Variants in CNNM4 observed in about 807,000 individuals in gnomAD.
CNNM4 encodes metal transporter CNNM4.
CNNM4 carries 32 observed loss-of-function variants against 53.7 expected under a neutral mutation model. That is an observed-to-expected ratio of 0.60 (90% CI 0.45 to 0.80). CNNM4 has a LOEUF of 0.80. CNNM4 is among the 30% of genes least tolerant of loss of function. The probability of loss-of-function intolerance (pLI) is 0.00; values close to 1 mark genes in which losing one functional copy is unlikely to be tolerated. For synonymous variants in CNNM4, 410 were observed against 440.0 expected, an observed-to-expected ratio of 0.93 and a Z score of 0.85; for missense variants, 784 against 1,022.0, an observed-to-expected ratio of 0.77 and a Z score of 3.17.
intron 1 of CNNM4, among the ~76,000 whole-genome samples, chr2:96,781,739 C>T (rs1290295911): frequency 6.6e-6 from 1 of 152,112 alleles, no homozygotes; most frequent in East Asian, 1.9e-4. Flanking sequence ...TCTCTAGACC[C>T]CTCCCTTCCC....
At position 96,797,744 on chromosome 2, in the gene CNNM4, C is replaced by A. The variant is rs2079117895; in HGVS notation, c.1681+97C>A. ...CTTTCCCCCCATAGGACGAGGGCTGCAGCAGGTGAGGGGTGCAGAGACAAC... is the reference window on the plus strand; with the variant it reads ...CTTTCCCCCCATAGGACGAGGGCTGAAGCAGGTGAGGGGTGCAGAGACAAC... On this transcript the variant is annotated intron_variant, in intron 3 of 6. Coordinates refer to ENST00000377075, the MANE Select transcript of CNNM4 (RefSeq NM_020184.4). This position sits in a 1 kb window ranked among gnomAD's most constrained non-coding sequence, Gnocchi z 6.0. The A allele has an allele frequency of 6.5e-7, 1 of 1,535,770 alleles. No homozygotes were observed. The highest frequency in any genetic ancestry group is 8.8e-7 in the Non-Finnish European group (1 of 1,133,720).
At chr2:96,766,025 C>T (rs1167453839) in intron 1 of CNNM4, among the ~76,000 whole-genome samples, 6 of 151,372 alleles carry the variant, frequency 4.0e-5, no homozygotes, top group Admixed American at 6.6e-5. Context: ...CTCAGGTGAT[C>T]CACCCACCTC....
chr2:96,809,145 A>C, intron 6 of CNNM4, 175 bp from the exon 7 acceptor site: 1 of 1,418,544 alleles, frequency 7.0e-7, no homozygotes. Context: ...CCCAGCCCTG[A>C]GATGCTTTCT....
intron 1 of CNNM4, among the ~76,000 whole-genome samples, 166 bp from the exon 2 acceptor site, chr2:96,796,846 G>A (rs950583416): frequency 3.9e-5 from 6 of 152,210 alleles, no homozygotes; most frequent in African/African-American, 1.2e-4. Context: ...TTTCATAAAA[G>A]CAATGTCTGT....
intron 1 of CNNM4, among the ~76,000 whole-genome samples, chr2:96,796,706 A>C (rs759032428): frequency 5.7e-4 from 87 of 152,204 alleles, no homozygotes; most frequent in Non-Finnish European, 1.2e-3. Context: ...GGCTGCAGTG[A>C]GCTATGATTG....
At chr2:96,780,890 C>T (rs925444644) in intron 1 of CNNM4, among the ~76,000 whole-genome samples, 4 of 150,116 alleles carry the variant, frequency 2.7e-5, no homozygotes, top group African/African-American at 7.4e-5. Context: ...AGGCGCGTAC[C>T]ACCACACCCA....
At chr2:96,767,894 A>T (rs2078832691) in intron 1 of CNNM4, among the ~76,000 whole-genome samples, 1 of 152,196 alleles carries the variant, frequency 6.6e-6, no homozygotes, top group African/African-American at 2.4e-5. Flanking sequence ...ACATGGCAAA[A>T]CCCCATCTTT....
chr2:96,794,806 T>A (rs939362833), intron 1 of CNNM4, among the ~76,000 whole-genome samples: 2 of 152,188 alleles, frequency 1.3e-5, no homozygotes, highest in Non-Finnish European at 1.5e-5. Context: ...ACCAACCAGA[T>A]ACATGTGAGG....
At chr2:96,795,871 A>T (rs1032371333) in intron 1 of CNNM4, among the ~76,000 whole-genome samples, 1 of 152,030 alleles carries the variant, frequency 6.6e-6, no homozygotes, top group African/African-American at 2.4e-5. Context: ...CTTGCCACTC[A>T]TGGGGCTGGG....
intron 1 of CNNM4, among the ~76,000 whole-genome samples, chr2:96,766,540 C>A (rs2078820923): frequency 6.6e-6 from 1 of 152,176 alleles, no homozygotes; most frequent in Admixed American, 6.5e-5. Flanking sequence ...ACTGCACCCA[C>A]CATCCCACCC....
In CNNM4 at chr2:96,801,988, GACACACACCCATGGACACAC is replaced by G. The variant is rs2079163820; in HGVS notation, c.1948+2349_1948+2368del. On this transcript the variant is annotated intron_variant, in intron 5 of 6. Transcript: ENST00000377075. This position sits in a 1 kb window ranked among gnomAD's most constrained non-coding sequence, Gnocchi z 5.6. ...GCACACACACAAAGAGACACACACA[GACACACACCCATGGACACAC>G]ACACACACAGAAGCACCCACCCATA... Among the ~76,000 whole-genome samples the G allele has an allele frequency of 6.9e-6, 1 of 144,464 alleles. No individual in the cohort carries two copies. The highest frequency in any genetic ancestry group is 2.2e-4 in the South Asian group (1 of 4,462). The allele number at this position is 144,464 out of a possible 152,430, so 94.8% of individuals were successfully genotyped here. A position where few individuals can be genotyped will look rare whatever the true frequency, so the allele number is the denominator to read the frequency against.
Position 96,762,320 on chromosome 2 carries a change from A to G in CNNM4, c.1321A>G (p.Ile441Val). The change falls in exon 1 of 7, where the codon ATC (isoleucine) becomes GTC (valine). Residue 441 changes from isoleucine (I) to valine (V), a missense_variant. By Grantham distance (29) the Ile-to-Val change is conservative. This residue lies in a region of CNNM4 where 473 missense variants were observed against 624.6 expected (regional missense o/e 0.76). Coordinates refer to ENST00000377075, the MANE Select transcript of CNNM4 (RefSeq NM_020184.4). ...CGATGACTGCACCCCCCTCAAGACT[A>G]TCACTCGCTTCTATAACCACCCGGT... ...DPDDCTPLKTITRFYNHPVHF... is the reference protein window; with the variant it reads ...DPDDCTPLKTVTRFYNHPVHF... 1 of 1,614,114 alleles carries G rather than the reference A, an allele frequency of 6.2e-7. No individual in the cohort carries two copies. The highest frequency in any genetic ancestry group is 2.2e-5 in the East Asian group (1 of 44,886).
intron 1 of CNNM4, among the ~76,000 whole-genome samples, chr2:96,771,844 A>G (rs765134432): frequency 6.6e-6 from 1 of 152,214 alleles, no homozygotes; most frequent in Non-Finnish European, 1.5e-5. Flanking sequence ...AGTCTCTCAG[A>G]GAATCTGCAC....
intron 1 of CNNM4, among the ~76,000 whole-genome samples, chr2:96,770,339 G>A (rs1206343249): frequency 6.6e-6 from 1 of 152,230 alleles, no homozygotes; most frequent in Non-Finnish European, 1.5e-5. Flanking sequence ...GTTTAACCTT[G>A]AAAATGGGTG....
At chr2:96,799,894 G>T (rs545646119) in intron 5 of CNNM4, among the ~76,000 whole-genome samples, 13 of 152,298 alleles carry the variant, frequency 8.5e-5, no homozygotes, top group African/African-American at 2.9e-4. Context: ...TAGAGTAAAG[G>T]CCTGGAGGCA....
At chr2:96,795,639 AC>A (rs573569002) in intron 1 of CNNM4, among the ~76,000 whole-genome samples, 258 of 152,152 alleles carry the variant, frequency 1.7e-3, no homozygotes, top group African/African-American at 6.1e-3. Flanking sequence ...GACCTGGAAA[AC>A]ATCCTCCACC....
rs370744689 is a variant in CNNM4 at position 96,762,536 on chromosome 2, T to C, written c.1402+135T>C. 18 of 869,168 alleles carry C rather than the reference T, an allele frequency of 2.1e-5. No individual in the cohort carries two copies. In the African/African-American group the frequency reaches 3.0e-4, roughly 14 times the overall value. 53.8% of individuals were successfully genotyped at this position (869,168 alleles called of 1,614,324 possible). A position where few individuals can be genotyped will look rare whatever the true frequency, so the allele number is the denominator to read the frequency against. The stretch of plus-strand genomic sequence containing the variant: ...CTTTGCCTATCGCTTCCTATGCTTC[T>C]GAGGTGAACGATTTTGGAGCGGTAG... On this transcript the variant is annotated intron_variant, in intron 1 of 6. Transcript: ENST00000377075.
rs374638753 is a variant in CNNM4 at position 96,806,535 on chromosome 2, A to ACACACGCG, written c.1949-2025_1949-2024insACACGCGC. Among the ~76,000 whole-genome samples the ACACACGCG allele has an allele frequency of 3.1e-3, 386 of 123,956 alleles. 1 individual carries two copies. Among genetic ancestry groups the ACACACGCG allele is most frequent in the South Asian group, 5.4e-3 (21 of 3,918 alleles). The allele number at this position is 123,956 out of a possible 152,430, so 81.3% of individuals were successfully genotyped here. A position where few individuals can be genotyped will look rare whatever the true frequency, so the allele number is the denominator to read the frequency against. On this transcript the variant is annotated intron_variant, in intron 5 of 6. Transcript: ENST00000377075. ...CACACACACACACACACACACACAC[A>ACACACGCG]CGCGCGCGCGCGCGCGCGCCCTTAG...
At chr2:96,788,364 T>C (rs540102693) in intron 1 of CNNM4, among the ~76,000 whole-genome samples, 1 of 152,146 alleles carries the variant, frequency 6.6e-6, no homozygotes, top group East Asian at 1.9e-4. Flanking sequence ...CTTCTGGCCT[T>C]TGCCTGGACT....
Sources: gnomAD v4.1 joint callset for allele counts (sites outside exome capture counted in the v4.1 genomes callset) on GRCh38, gnomAD v4.1.1 for gene constraint, gnomAD v4.1.1 regional missense constraint, Gnocchi (gnomAD v3.1) non-coding constraint, MANE v1.5 for transcripts, NCBI Gene and HGNC (gene_info 2026-07-23, HGNC 2026-07-21) for gene names.